Variants in SUSD4 observed in about 807,000 individuals in gnomAD.
The protein encoded by SUSD4 is sushi domain containing 4, also known as sushi domain-containing protein 4.
Under a neutral mutation model 50.5 loss-of-function variants are expected in SUSD4, and 41 were observed. The observed-to-expected ratio is 0.81, with a 90% CI of 0.63 to 1.05. SUSD4 has a LOEUF of 1.05. Among genes scored for constraint, SUSD4 ranks in the 50% least tolerant of loss-of-function variants. SUSD4 has a pLI of 0.00. For synonymous variants in SUSD4, 257 were observed against 257.3 expected (o/e 1.00, Z 0.01); for missense variants, 580 against 634.7 (o/e 0.91, Z 0.93).
chr1:223,312,461 G>A (rs760452908), intron 2 of SUSD4, among the ~76,000 whole-genome samples: 21 of 152,112 alleles, frequency 1.4e-4, no homozygotes, highest in South Asian at 6.2e-4. Flanking sequence ...CTGGCTGCTA[G>A]GCAGGCTCCA....
rs113413098 is a variant in SUSD4 at position 223,221,030 on chromosome 1, T to G, written c.*1162A>C. 154 of 400,836 alleles carry G rather than the reference T, an allele frequency of 3.8e-4. No individual in the cohort carries two copies. The highest frequency in any genetic ancestry group is 2.5e-3 in the African/African-American group (123 of 48,840). The allele number at this position is 400,836 out of a possible 1,614,324, so 24.8% of individuals were successfully genotyped here. A position where few individuals can be genotyped will look rare whatever the true frequency, so the allele number is the denominator to read the frequency against. On this transcript the variant is annotated 3_prime_UTR_variant, in exon 9 of 9. Transcript: ENST00000366878. ...ACACTTCAGGACACTTTGGGAAATTTTTTAATCAATCAGTTTCTTAGGAAC... is the reference window on the plus strand; with the variant it reads ...ACACTTCAGGACACTTTGGGAAATTGTTTAATCAATCAGTTTCTTAGGAAC...
At chr1:223,317,853 T>C (rs1572049177) in intron 2 of SUSD4, among the ~76,000 whole-genome samples, 2 of 133,524 alleles carry the variant, frequency 1.5e-5, no homozygotes, top group Admixed American at 7.5e-5. Context: ...TTTTTTTTCT[T>C]TTTTTTTTTT....
intron 5 of SUSD4, among the ~76,000 whole-genome samples, chr1:223,245,817 G>C (rs1295568542): frequency 2.0e-5 from 3 of 152,170 alleles, no homozygotes; most frequent in Non-Finnish European, 4.4e-5. Flanking sequence ...TTCTAAATAG[G>C]GCTTGGTGAT....
At chr1:223,240,082 C>A (rs551760699) in intron 5 of SUSD4, among the ~76,000 whole-genome samples, 4 of 152,080 alleles carry the variant, frequency 2.6e-5, no homozygotes, top group Non-Finnish European at 5.9e-5. Context: ...GTTTTTTTCT[C>A]TCAACACTTT....
At chr1:223,252,219 TAAAAAAAAA>T (rs68004270) in intron 5 of SUSD4, among the ~76,000 whole-genome samples, 2,567 of 129,038 alleles carry the variant, frequency 0.02, 88 homozygotes, top group East Asian at 0.11. Flanking sequence ...AAAGTATAAT[TAAAAAAAAA>T]AAAAAAAAAT....
At chr1:223,359,514 T>C (rs1235986607) in intron 2 of SUSD4, among the ~76,000 whole-genome samples, 1 of 152,234 alleles carries the variant, frequency 6.6e-6, no homozygotes, top group Admixed American at 6.5e-5. Flanking sequence ...GCCCCAGCTA[T>C]CATGAAACTT....
intron 2 of SUSD4, among the ~76,000 whole-genome samples, chr1:223,341,542 C>A (rs1667760438): frequency 6.6e-6 from 1 of 152,050 alleles, no homozygotes; most frequent in Non-Finnish European, 1.5e-5. Flanking sequence ...TCAAGCTCCC[C>A]CACGCAGAAC....
chr1:223,255,414 C>T (rs1448363584), intron 5 of SUSD4, among the ~76,000 whole-genome samples: 3 of 152,148 alleles, frequency 2.0e-5, no homozygotes, highest in Non-Finnish European at 2.9e-5. Context: ...CATTTCATTG[C>T]TCTGGTCTCA....
chr1:223,308,713 C>T (rs2103205405), intron 2 of SUSD4, among the ~76,000 whole-genome samples: 1 of 152,278 alleles, frequency 6.6e-6, no homozygotes, highest in Middle Eastern at 3.4e-3. Flanking sequence ...ACTGTGCCAG[C>T]TCCCACAGCT....
intron 2 of SUSD4, among the ~76,000 whole-genome samples, chr1:223,344,327 G>T (rs2103308532): frequency 6.6e-6 from 1 of 152,216 alleles, no homozygotes; most frequent in African/African-American, 2.4e-5. Context: ...GGATAGAGTG[G>T]AAATGGCACC....
intron 3 of SUSD4, among the ~76,000 whole-genome samples, chr1:223,289,717 A>AT (rs1402210452): frequency 7.2e-5 from 11 of 152,222 alleles, no homozygotes; most frequent in Non-Finnish European, 1.5e-4. Context: ...CAGTTTCTCT[A>AT]TAGGTCAAAC....
intron 2 of SUSD4, among the ~76,000 whole-genome samples, chr1:223,316,968 G>C (rs1666229302): frequency 6.6e-6 from 1 of 152,144 alleles, no homozygotes; most frequent in South Asian, 2.1e-4. Context: ...ACCTTGTAAA[G>C]GCATCATCAA....
At chr1:223,223,169 T>A in intron 8 of SUSD4, 80 bp downstream of exon 8, 1 of 1,489,874 alleles carries the variant, frequency 6.7e-7, no homozygotes, top group Non-Finnish European at 8.9e-7. Context: ...GGGTGGAGCG[T>A]GCGTAGCAAG....
intron 2 of SUSD4, among the ~76,000 whole-genome samples, chr1:223,350,263 T>C (rs907396299): frequency 1.3e-5 from 2 of 152,254 alleles, no homozygotes; most frequent in African/African-American, 4.8e-5. Context: ...GGGACTGTAC[T>C]GTGTTCTTAT....
intron 2 of SUSD4, among the ~76,000 whole-genome samples, chr1:223,330,480 ATAAG>A (rs750019679): frequency 3.3e-5 from 5 of 152,362 alleles, no homozygotes; most frequent in Non-Finnish European, 5.9e-5. Context: ...ATTTTAAGTC[ATAAG>A]TAAGAAGATT....
At chr1:223,328,336 TA>T (rs1462967973) in intron 2 of SUSD4, among the ~76,000 whole-genome samples, 1 of 152,154 alleles carries the variant, frequency 6.6e-6, no homozygotes, top group Non-Finnish European at 1.5e-5. Flanking sequence ...CTGGCTTGCT[TA>T]AGGTCTCACA....
chr1:223,313,223 G>A (rs913295373), intron 2 of SUSD4, among the ~76,000 whole-genome samples: 8 of 152,156 alleles, frequency 5.3e-5, no homozygotes, highest in African/African-American at 1.4e-4. Context: ...CATGATCTCA[G>A]TCTGACCTCT....
chr1:223,221,893 T>C lies in SUSD4; in HGVS notation c.*299A>G. On this transcript the variant is annotated 3_prime_UTR_variant, in exon 9 of 9. Coordinates refer to ENST00000366878, the MANE Select transcript of SUSD4 (RefSeq NM_017982.4). ...ATGATTCGGTGGGATGTGCGTGGAA[T>C]TGTCCCATGTTCCACAGCACGATAC... 3.0e-6 allele frequency: 1 copy of C among 333,964 alleles called. No individual in the cohort carries two copies. Among genetic ancestry groups the C allele is most frequent in the Non-Finnish European group, 5.4e-6 (1 of 185,122 alleles). The allele number at this position is 333,964 out of a possible 1,614,324, so 20.7% of individuals were successfully genotyped here. A position where few individuals can be genotyped will look rare whatever the true frequency, so the allele number is the denominator to read the frequency against.
chr1:223,253,305 G>A (rs1047472627), intron 5 of SUSD4, among the ~76,000 whole-genome samples: 2 of 148,482 alleles, frequency 1.3e-5, no homozygotes, highest in South Asian at 2.1e-4. Context: ...TTTACAGAAC[G>A]CAAGCCAAAA....
Sources: allele counts gnomAD v4.1 joint callset (sites outside exome capture counted in the v4.1 genomes callset), GRCh38; gene constraint gnomAD v4.1.1; transcripts MANE v1.5; gene names NCBI Gene and HGNC (gene_info 2026-07-23, HGNC 2026-07-21).